Variants in WNK3 observed in about 807,000 individuals in gnomAD.
WNK3 encodes WNK lysine deficient protein kinase 3, also known as serine/threonine-protein kinase WNK3.
In WNK3, 18 loss-of-function variants were observed where a neutral mutation model predicts 116.7. The ratio of observed to expected loss-of-function variants is 0.15; its 90% CI spans 0.11 to 0.23. WNK3 has a LOEUF of 0.23. Among genes scored for constraint, WNK3 ranks in the 10% least tolerant of loss-of-function variants. The pLI is 1.00. For synonymous variants in WNK3, 404 were observed against 469.4 expected (o/e 0.86, Z 1.80); for missense variants, 993 against 1,323.8 (o/e 0.75, Z 3.88).
intron 3 of WNK3, among the ~76,000 whole-genome samples, chrX:54,310,886 C>T (rs1366194420): frequency 1.8e-5 from 2 of 110,840 alleles, no homozygotes; most frequent in Non-Finnish European, 3.8e-5. Flanking sequence ...TGTGCTGCCA[C>T]ATCTGGTTAC....
chrX:54,226,469 C>CAAAA (rs782422874), intron 22 of WNK3, among the ~76,000 whole-genome samples: 1 of 19,821 alleles, frequency 5.0e-5, no homozygotes, highest in Non-Finnish European at 9.9e-5. Flanking sequence ...GACTCTGTCT[C>CAAAA]AAAAAAAAAA....
At chrX:54,281,087 C>T (rs185131917) in intron 10 of WNK3, among the ~76,000 whole-genome samples, 1 of 111,732 alleles carries the variant, frequency 8.9e-6, no homozygotes, top group Non-Finnish European at 1.9e-5. Flanking sequence ...ATTTGCTATA[C>T]ATATACACTG....
intron 21 of WNK3, 82 bp from the exon 22 acceptor site, chrX:54,228,825 A>G: frequency 2.3e-6 from 1 of 428,141 alleles, no homozygotes; most frequent in East Asian, 3.9e-5. Flanking sequence ...CAACATACTT[A>G]TTGAACTTAA....
chrX:54,209,833 G>A (rs1228571226), intron 22 of WNK3, among the ~76,000 whole-genome samples: 2 of 110,779 alleles, frequency 1.8e-5, no homozygotes, highest in East Asian at 2.8e-4. Context: ...TTACAAGCAT[G>A]AGCCACCGCA....
chrX:54,221,810 G>A (rs1195964214), intron 22 of WNK3, among the ~76,000 whole-genome samples: 1 of 110,165 alleles, frequency 9.1e-6, no homozygotes, highest in Non-Finnish European at 1.9e-5. Context: ...CTCCAGCCTG[G>A]GCAACAGAGC....
At chrX:54,221,512 G>A (rs1407939635) in intron 22 of WNK3, among the ~76,000 whole-genome samples, 1 of 111,608 alleles carries the variant, frequency 9.0e-6, no homozygotes, top group Non-Finnish European at 1.9e-5. Context: ...GAAATGTTTT[G>A]TGTACCATTG....
At chrX:54,358,656 C>G (rs1413952418), upstream of WNK3, 2 of 112,743 alleles carry the variant, frequency 1.8e-5, no homozygotes, top group African/African-American at 6.4e-5. Flanking sequence ...GACCGCAGTG[C>G]GCGCGCGCGG....
intron 22 of WNK3, among the ~76,000 whole-genome samples, chrX:54,217,315 C>CAAA (rs782153999): frequency 4.8e-4 from 24 of 49,939 alleles, no homozygotes; most frequent in African/African-American, 1.5e-3. Flanking sequence ...AAGACTCCAT[C>CAAA]AAAAAAAAAA....
At chrX:54,309,443 T>C (rs1359561383) in intron 3 of WNK3, 128 bp from the exon 4 acceptor site, 1 of 505,610 alleles carries the variant, frequency 2.0e-6, no homozygotes, top group Non-Finnish European at 3.2e-6. Flanking sequence ...TGTTTTCTAT[T>C]GTCTGTTATG....
At chrX:54,266,238 AATT>A (rs2068309368) in intron 10 of WNK3, among the ~76,000 whole-genome samples, 1 of 111,387 alleles carries the variant, frequency 9.0e-6, no homozygotes, top group African/African-American at 3.3e-5. Flanking sequence ...GGGAGCTAAA[AATT>A]ATAACAATTG....
chrX:54,213,918 A>G (rs1288584440), intron 22 of WNK3, among the ~76,000 whole-genome samples: 1 of 111,207 alleles, frequency 9.0e-6, no homozygotes, highest in Non-Finnish European at 1.9e-5. Flanking sequence ...CTCACCCAAC[A>G]TGAAATACGT....
intron 22 of WNK3, among the ~76,000 whole-genome samples, chrX:54,212,201 G>A (rs1557143956): frequency 8.9e-6 from 1 of 112,584 alleles, no homozygotes; most frequent in Non-Finnish European, 1.9e-5. Flanking sequence ...ACTCCAGCCT[G>A]TGGGACAGAG....
intron 23 of WNK3, 122 bp downstream of exon 23, chrX:54,201,869 A>G (rs1420124395): frequency 5.2e-6 from 3 of 572,614 alleles, no homozygotes; most frequent in Admixed American, 7.9e-5. Flanking sequence ...AAAAAGGATA[A>G]AAGTCTCTAT....
intron 1 of WNK3, among the ~76,000 whole-genome samples, chrX:54,341,909 C>T (rs1449135611): frequency 9.0e-6 from 1 of 111,642 alleles, no homozygotes; most frequent in South Asian, 3.7e-4. Flanking sequence ...AAATCATTGA[C>T]TTTTATATTA....
At chrX:54,223,262 C>A (rs1280255796) in intron 22 of WNK3, 3 of 110,708 alleles carry the variant, frequency 2.7e-5, no homozygotes, top group Non-Finnish European at 5.7e-5. Context: ...CAAGCAGTAA[C>A]CAAAAGAAAG....
chrX:54,242,100 G>A (rs1370977515), intron 17 of WNK3, among the ~76,000 whole-genome samples: 4 of 111,567 alleles, frequency 3.6e-5, no homozygotes, highest in Admixed American at 2.9e-4. Flanking sequence ...AACAAACTCA[G>A]TAAAGTTGGA....
At chrX:54,271,186 C>T (rs1179858370) in intron 10 of WNK3, among the ~76,000 whole-genome samples, 1 of 111,862 alleles carries the variant, frequency 8.9e-6, no homozygotes, top group Non-Finnish European at 1.9e-5. Context: ...ATATACCAAA[C>T]TTTTTACTTA....
At chrX:54,200,959 A>T (rs1432352342) in intron 23 of WNK3, among the ~76,000 whole-genome samples, 1 of 111,983 alleles carries the variant, frequency 8.9e-6, no homozygotes, top group East Asian at 2.8e-4. Flanking sequence ...GAAAATTTTT[A>T]TTCAATATTA....
exon 24 of WNK3, chrX:54,198,233 G>T: frequency 1.2e-6 from 1 of 839,161 alleles, no homozygotes; most frequent in Non-Finnish European, 1.6e-6. Context: ...GGGAAAATAT[G>T]ACAGAACCCA....
Sources: allele counts gnomAD v4.1 joint callset (sites outside exome capture counted in the v4.1 genomes callset), GRCh38; gene constraint gnomAD v4.1.1; transcripts MANE v1.5; gene names NCBI Gene and HGNC (gene_info 2026-07-23, HGNC 2026-07-21).